Variants in AKT3 observed in about 807,000 individuals in gnomAD.
AKT3 encodes RAC-gamma serine/threonine-protein kinase.
In AKT3, 15 loss-of-function variants were observed where a neutral mutation model predicts 65.3. The observed-to-expected ratio is 0.23, with a 90% CI of 0.15 to 0.35. AKT3 has a LOEUF of 0.35. Ranked by LOEUF, AKT3 falls within the 10% of genes least tolerant of loss-of-function variation. AKT3 has a pLI of 1.00. For synonymous variants in AKT3, 206 were observed against 183.8 expected (o/e 1.12, Z -0.98); for missense variants, 243 against 576.5 (o/e 0.42, Z 5.92).
intron 2 of AKT3, among the ~76,000 whole-genome samples, chr1:243,834,225 C>G (rs1200497001): frequency 1.3e-5 from 2 of 152,104 alleles, no homozygotes; most frequent in African/African-American, 4.8e-5. Flanking sequence ...ATGTTCATCA[C>G]AGCACTACTG....
At chr1:243,675,558 C>T (rs979515112) in intron 3 of AKT3, among the ~76,000 whole-genome samples, 1 of 152,148 alleles carries the variant, frequency 6.6e-6, no homozygotes, top group Non-Finnish European at 1.5e-5. Context: ...CGCTAACTGC[C>T]CCATTCCTCT....
chr1:243,525,635 G>A (rs958372195), intron 12 of AKT3, among the ~76,000 whole-genome samples: 2 of 145,664 alleles, frequency 1.4e-5, no homozygotes, highest in Non-Finnish European at 3.0e-5. Context: ...TATGGGCTTG[G>A]AGCACATTGG....
chr1:243,796,547 G>A (rs1478227115), intron 2 of AKT3, among the ~76,000 whole-genome samples: 1 of 152,156 alleles, frequency 6.6e-6, no homozygotes, highest in Non-Finnish European at 1.5e-5. Context: ...TACGGCCAAT[G>A]TATGTCTATC....
chr1:243,744,496 T>C (rs1448382057), intron 2 of AKT3, among the ~76,000 whole-genome samples: 2 of 152,034 alleles, frequency 1.3e-5, no homozygotes, highest in Non-Finnish European at 2.9e-5. Flanking sequence ...TCCCAGCACT[T>C]TGGGAGGCCG....
intron 2 of AKT3, among the ~76,000 whole-genome samples, chr1:243,740,040 T>C (rs372317908): frequency 5.3e-4 from 80 of 152,342 alleles, no homozygotes; most frequent in African/African-American, 1.8e-3. Flanking sequence ...CAGAGTAATC[T>C]TAGCTGCCCA....
intron 2 of AKT3, among the ~76,000 whole-genome samples, chr1:243,831,245 G>C (rs1694489089): frequency 6.6e-6 from 1 of 152,174 alleles, no homozygotes; most frequent in Non-Finnish European, 1.5e-5. Context: ...ATATAAAGTT[G>C]TATTAGACAC....
rs118172368 is a variant in AKT3 at position 243,514,733 on chromosome 1, G to A, written c.1252-2307C>T. ...CCCAGCTACTTGGGAGGCTGACGTG[G>A]AAGGATCACTTCAGCCCAGAAGGCA... On this transcript the variant is annotated intron_variant, in intron 12 of 13. Transcript: ENST00000673466. 2.1e-3 allele frequency among the ~76,000 whole-genome samples: 314 copies of A among 152,284 alleles called. 8 individuals carry two copies. In the East Asian group the frequency reaches 0.052, roughly 25 times the overall value.
At position 243,501,623 on chromosome 1, in the gene AKT3, A is replaced by AATT. The variant is rs16356; in HGVS notation, c.*3623_*3625dup. 48,047 of 232,738 alleles carry AATT rather than the reference A, an allele frequency of 0.21. 5,111 individuals are homozygous for AATT. Among genetic ancestry groups the AATT allele is most frequent in the East Asian group, 0.24 (3,994 of 16,506 alleles). 14.4% of individuals were successfully genotyped at this position (232,738 alleles called of 1,614,324 possible). On this transcript the variant is annotated 3_prime_UTR_variant, in exon 14 of 14. Coordinates refer to ENST00000673466, the MANE Select transcript of AKT3 (RefSeq NM_005465.7). ...ATGTGTGTGTGTGTGAGCTACAAGG[A>AATT]ATTATTTCTATATTTTCCTGTCACA...
At position 243,502,485 on chromosome 1, in the gene AKT3, G is replaced by A. The variant is rs1157489138; in HGVS notation, c.*2764C>T. The A allele has an allele frequency of 8.6e-6, 2 of 233,142 alleles. No homozygotes were observed. The highest frequency in any genetic ancestry group is 5.6e-5 in the Admixed American group (1 of 17,774). 14.4% of individuals were successfully genotyped at this position (233,142 alleles called of 1,614,324 possible). Reference sequence around the variant, plus strand: ...AAGAAGTCAAGCTTCATGACAGTTAGTATGGGCTGGAGTCTGCAAAGTCTG... The same window carrying A: ...AAGAAGTCAAGCTTCATGACAGTTAATATGGGCTGGAGTCTGCAAAGTCTG... On this transcript the variant is annotated 3_prime_UTR_variant, in exon 14 of 14. Transcript: ENST00000673466.
At chr1:243,695,028 C>T (rs1277927185) in intron 3 of AKT3, among the ~76,000 whole-genome samples, 1 of 151,888 alleles carries the variant, frequency 6.6e-6, no homozygotes, top group Non-Finnish European at 1.5e-5. Context: ...TAATCATTGT[C>T]ATTATCATCA....
intron 11 of AKT3, among the ~76,000 whole-genome samples, chr1:243,546,176 T>C (rs919998112): frequency 5.3e-5 from 8 of 152,212 alleles, no homozygotes; most frequent in African/African-American, 1.9e-4. Flanking sequence ...CCTGCTGCCC[T>C]GTAAGATGTG....
At chr1:243,653,163 T>C (rs1558686923) in intron 4 of AKT3, among the ~76,000 whole-genome samples, 1 of 152,134 alleles carries the variant, frequency 6.6e-6, no homozygotes, top group Non-Finnish European at 1.5e-5. Context: ...ATAAAGGGGA[T>C]ATCACCGTCA....
At chr1:243,609,019 T>C (rs1310903794) in intron 8 of AKT3, among the ~76,000 whole-genome samples, 4 of 151,934 alleles carry the variant, frequency 2.6e-5, no homozygotes, top group Non-Finnish European at 4.4e-5. Context: ...CCCAAAGTGC[T>C]GGGATTACAG....
At chr1:243,744,693 C>A (rs184761322) in intron 2 of AKT3, among the ~76,000 whole-genome samples, 3,234 of 147,830 alleles carry the variant, frequency 0.022, 47 homozygotes, top group Non-Finnish European at 0.033. Flanking sequence ...GAGCCGAGAT[C>A]GCGCCCCTGC....
chr1:243,615,014 A>C lies in AKT3; in HGVS notation c.627+82T>G, dbSNP rs1678191030. On this transcript the variant is annotated intron_variant, in intron 7 of 13. Transcript: ENST00000673466. Reference sequence around the variant, plus strand: ...AAAATGAGATATCTAAATGAATAGTATTTTTCACAATTTAATTTCTAACAT... The same window carrying C: ...AAAATGAGATATCTAAATGAATAGTCTTTTTCACAATTTAATTTCTAACAT... The C allele has an allele frequency of 5.8e-6, 6 of 1,027,426 alleles. No homozygotes were observed. The Admixed American group carries it at 1.3e-4, about 23-fold the overall frequency. 63.6% of individuals were successfully genotyped at this position (1,027,426 alleles called of 1,614,324 possible). A position where few individuals can be genotyped will look rare whatever the true frequency, so the allele number is the denominator to read the frequency against.
At chr1:243,715,358 G>A (rs990307985) in intron 2 of AKT3, among the ~76,000 whole-genome samples, 18 of 151,922 alleles carry the variant, frequency 1.2e-4, no homozygotes, top group Non-Finnish European at 2.4e-4. Context: ...TTTACACCTT[G>A]GATAAAAATA....
At chr1:243,679,159 G>A (rs984712162) in intron 3 of AKT3, among the ~76,000 whole-genome samples, 4 of 152,102 alleles carry the variant, frequency 2.6e-5, no homozygotes, top group Admixed American at 6.5e-5. Flanking sequence ...TAAGAATACA[G>A]TATATAGTGC....
chr1:243,683,991 G>A (rs1388306123), intron 3 of AKT3, among the ~76,000 whole-genome samples: 1 of 152,122 alleles, frequency 6.6e-6, no homozygotes, highest in African/African-American at 2.4e-5. Flanking sequence ...TCAGCCTGCA[G>A]CAGCTTTGTC....
Position 243,587,465 on chromosome 1 carries a change from A to T in AKT3, c.697-14417T>A, listed in dbSNP as rs189641583. ...GTCCCTACCAAAAGCACACAAAAAT[A>T]GCTGGGCATGGTGGCGGGCGCTGTA... On this transcript the variant is annotated intron_variant, in intron 8 of 13. Transcript: ENST00000673466. Among the ~76,000 whole-genome samples, 19 of 152,170 alleles carry T rather than the reference A, an allele frequency of 1.2e-4. No individual in the cohort carries two copies. The East Asian group carries it at 3.7e-3, about 29-fold the overall frequency.
Sources: allele counts gnomAD v4.1 joint callset (sites outside exome capture counted in the v4.1 genomes callset), GRCh38; gene constraint gnomAD v4.1.1; transcripts MANE v1.5; gene names NCBI Gene and HGNC (gene_info 2026-07-23, HGNC 2026-07-21).